Variants in FBN3 observed in about 807,000 individuals in gnomAD.
FBN3 encodes fibrillin 3.
Under a neutral mutation model 330.1 loss-of-function variants are expected in FBN3, and 234 were observed. The ratio of observed to expected loss-of-function variants is 0.71; its 90% CI spans 0.64 to 0.79. FBN3 has a LOEUF of 0.79. Ranked by LOEUF, FBN3 falls within the 30% of genes least tolerant of loss-of-function variation. The pLI, the probability that FBN3 is intolerant of heterozygous loss-of-function variation, is 0.00. For missense variants in FBN3, 3,606 were observed against 3,886.9 expected (o/e 0.93, Z 1.92); for synonymous variants, 1,458 against 1,517.3 (o/e 0.96, Z 0.91).
chr19:8,145,667 C>T (rs2083521321), intron 5 of FBN3, among the ~76,000 whole-genome samples, 176 bp downstream of exon 5: 2 of 118,784 alleles, frequency 1.7e-5, no homozygotes, highest in Admixed American at 1.0e-4. Context: ...AGTGACACAG[C>T]GAGACTCTGT....
intron 45 of FBN3, 73 bp from the exon 46 acceptor site, chr19:8,095,576 C>A: frequency 6.5e-7 from 1 of 1,536,080 alleles, no homozygotes; most frequent in East Asian, 2.3e-5. Flanking sequence ...GTACTTCTGT[C>A]CACAACTGAG....
In FBN3 at chr19:8,086,200, C is replaced by G. The variant is rs142911798; in HGVS notation, c.6880G>C (p.Asp2294His). 6.4e-7 allele frequency: 1 copy of G among 1,574,106 alleles called. No individual in the cohort carries two copies. The highest frequency in any genetic ancestry group is 1.1e-5 in the South Asian group (1 of 89,472). ...ACTGTGCGTGTCCAGCCACACTCAC[C>G]GTGGCACTCGGTAAGGGTGGGGCTG... ...QPSPTLTECH[D>H]IRQGPCFAEV... Residue 2294 changes from aspartate to histidine, a missense_variant and splice_region_variant, in exon 55 of 64, where the codon GAC (aspartate) becomes CAC (histidine). By Grantham distance (81) the Asp-to-His change is moderately conservative (BLOSUM62 -1). Transcript: ENST00000600128.
Position 8,111,217 on chromosome 19 carries a change from CGGTGGACCAGGACCCACACAG to C in FBN3, c.4085-55_4085-35del. 3 of 1,561,530 alleles carry C rather than the reference CGGTGGACCAGGACCCACACAG, an allele frequency of 1.9e-6. No individual in the cohort carries two copies. In the East Asian group the frequency reaches 6.7e-5, roughly 35 times the overall value. ...CCCCAAGATTCGGAGGGCTGGAGGC[CGGTGGACCAGGACCCACACAG>C]GGTGGGCAGGAGGCCCCAGTCACTG... is the stretch of plus-strand genomic sequence containing the variant. On this transcript the variant is annotated intron_variant, in intron 32 of 63. Transcript: ENST00000600128.
At chr19:8,130,595 A>AGGAAG (rs1568439844) in intron 16 of FBN3, among the ~76,000 whole-genome samples, 1 of 13,604 alleles carries the variant, frequency 7.4e-5, no homozygotes, top group African/African-American at 5.7e-4. Context: ...AAAGAAAGAA[A>AGGAAG]GAAAGAAAGA....
At position 8,109,107 on chromosome 19, in the gene FBN3, C is replaced by A; in HGVS notation, c.4618+120G>T. ...CCCAGGATGAGCCCCTCTCCTCCCC[C>A]AGTTCTTGGTTTTCCTGTCGCCTAA... On this transcript the variant is annotated intron_variant, in intron 36 of 63. Coordinates refer to ENST00000600128, the MANE Select transcript of FBN3 (RefSeq NM_032447.5). This position sits in a 1 kb window ranked among gnomAD's most constrained non-coding sequence, Gnocchi z 5.2. 1 of 898,306 alleles carries A rather than the reference C, an allele frequency of 1.1e-6. No individual in the cohort carries two copies. Among genetic ancestry groups the A allele is most frequent in the Non-Finnish European group, 1.7e-6 (1 of 596,844 alleles). The allele number at this position is 898,306 out of a possible 1,614,324, so 55.6% of individuals were successfully genotyped here.
chr19:8,080,850 G>A (rs1385221964), intron 59 of FBN3, among the ~76,000 whole-genome samples, 153 bp downstream of exon 59: 1 of 152,106 alleles, frequency 6.6e-6, no homozygotes, highest in African/African-American at 2.4e-5. Flanking sequence ...TTGAACTCCT[G>A]ACCTCAGATG....
intron 34 of FBN3, among the ~76,000 whole-genome samples, chr19:8,110,010 G>A (rs943661276): frequency 2.0e-5 from 3 of 152,132 alleles, no homozygotes; most frequent in Non-Finnish European, 4.4e-5. Context: ...TACCTGCCCT[G>A]GGTTCCATGC....
chr19:8,135,936 G>GGTACACCCCCCCCCCC, intron 13 of FBN3, 25 bp downstream of exon 13: 1 of 668,778 alleles, frequency 1.5e-6, no homozygotes, highest in South Asian at 1.6e-5. Context: ...GGAAGCCCCT[G>GGTACACCCCCCCCCCC]CCCACCCGCC....
chr19:8,126,945 A>T (rs79820986), intron 18 of FBN3, 113 bp from the exon 19 acceptor site: 21 of 1,206,532 alleles, frequency 1.7e-5, no homozygotes, highest in Non-Finnish European at 2.4e-5. Flanking sequence ...GTGCACCCAG[A>T]TGCACAAGCA....
At chr19:8,078,581 C>CT (rs34666054) in intron 59 of FBN3, among the ~76,000 whole-genome samples, 90,335 of 145,660 alleles carry the variant, frequency 0.62, 29,181 homozygotes, top group African/African-American at 0.84. Flanking sequence ...GAAAACCTTA[C>CT]TTTTTTTTTT....
At chr19:8,134,693 G>T (rs2083237186) in intron 13 of FBN3, among the ~76,000 whole-genome samples, 1 of 152,070 alleles carries the variant, frequency 6.6e-6, no homozygotes, top group Admixed American at 6.6e-5. Context: ...CAGCACTTTG[G>T]GAGGCCAAGG....
chr19:8,149,044 G>A lies in FBN3; in HGVS notation c.-18+405C>T, dbSNP rs1304391591. 6.6e-6 allele frequency among the ~76,000 whole-genome samples: 1 copy of A among 152,228 alleles called. No homozygotes were observed. The highest frequency in any genetic ancestry group is 6.5e-5 in the Admixed American group (1 of 15,294). Reference sequence around the variant, plus strand: ...AGCCACACCCTGGAGTTTGTGGAATGAATGAGCAGAGAAGGCGCGCCCGGC... The same window carrying A: ...AGCCACACCCTGGAGTTTGTGGAATAAATGAGCAGAGAAGGCGCGCCCGGC... On this transcript the variant is annotated intron_variant, in intron 1 of 63. Coordinates refer to ENST00000600128, the MANE Select transcript of FBN3 (RefSeq NM_032447.5). The surrounding 1 kb of genome is among the most constrained non-coding windows in gnomAD (Gnocchi z 5.5).
At position 8,133,075 on chromosome 19, in the gene FBN3, G is replaced by A. The variant is rs142646716; in HGVS notation, c.1623C>T (p.Cys541=). 300 of 1,583,300 alleles carry A rather than the reference G, an allele frequency of 1.9e-4. No homozygotes were observed. The African/African-American group carries it at 3.5e-3, about 18-fold the overall frequency. Residue 541 remains cysteine (C), a synonymous_variant, in exon 14 of 64, where the codon TGC becomes TGT. Coordinates refer to ENST00000600128, the MANE Select transcript of FBN3 (RefSeq NM_032447.5). ...DHNECATSTM[C]VNGVCLNEDG... is the part of the protein sequence containing the mutation. ...CCTCGTTGAGACACACGCCGTTGAC[G>A]CACATGGTGCTGGTGGCACACTCGT...
At chr19:8,100,820 G>A (rs775710132) in intron 41 of FBN3, 81 bp downstream of exon 41, 8 of 1,057,342 alleles carry the variant, frequency 7.6e-6, no homozygotes, top group Non-Finnish European at 1.0e-5. Context: ...AAGGAAAAGA[G>A]CTGTTGAGGA....
In FBN3 at chr19:8,118,956, C is replaced by T. The variant is rs773337022; in HGVS notation, c.3278G>A (p.Ser1093Asn). The T allele has an allele frequency of 1.9e-6, 3 of 1,613,234 alleles. No individual in the cohort carries two copies. Among genetic ancestry groups the T allele is most frequent in the Admixed American group, 1.7e-5 (1 of 60,020 alleles). ...RGGTCTNTDG[S>N]YKCQCPPGHE... ...CCCAGGGGGACACTGGCACTTGTAG[C>T]TCCCATCCGTGTTGGTGCAAGTGCC... The change falls in exon 26 of 64, where the codon AGC becomes AAC. Residue 1093 changes from serine (S) to asparagine (N), a missense_variant. Physicochemically the swap from Ser to Asn is conservative, Grantham distance 46 (BLOSUM62 1). Transcript: ENST00000600128.
In FBN3 at chr19:8,065,983, G is replaced by A. The variant is rs35794930; in HGVS notation, c.8366C>T (p.Pro2789Leu). The change falls in exon 64 of 64, where the codon CCA becomes CTA. Residue 2789 changes from proline (P) to leucine (L), a missense_variant. Transcript: ENST00000600128. ...GCCCCATGGCCCTGGCTGCCCCTCT[G>A]GCTGGACACCCCAGGGTCCTGCCAT... ...SHMAGPWGVQ[P>L]EGQPGPWGQA... 15 of 1,612,230 alleles carry A rather than the reference G, an allele frequency of 9.3e-6. No individual in the cohort carries two copies. The highest frequency in any genetic ancestry group is 1.2e-5 in the Non-Finnish European group (14 of 1,179,400).
chr19:8,118,832 GACATCC>G, intron 26 of FBN3, 59 bp downstream of exon 26: 1 of 1,561,576 alleles, frequency 6.4e-7, no homozygotes, highest in Non-Finnish European at 8.8e-7. Context: ...ACATTCACCA[GACATCC>G]ACTCACTTTC....
chr19:8,114,145 C>T (rs1247484917), intron 30 of FBN3, among the ~76,000 whole-genome samples: 1 of 152,046 alleles, frequency 6.6e-6, no homozygotes, highest in East Asian at 1.9e-4. Flanking sequence ...ACACTTTCTG[C>T]CTCTGAGCCC....
chr19:8,077,959 C>G (rs1023165658), intron 59 of FBN3, among the ~76,000 whole-genome samples: 3 of 124,282 alleles, frequency 2.4e-5, no homozygotes, highest in African/African-American at 1.1e-4. Context: ...CACCTGTAGT[C>G]CTAGCTACTT....
Sources: allele counts gnomAD v4.1 joint callset (sites outside exome capture counted in the v4.1 genomes callset), GRCh38; gene constraint gnomAD v4.1.1; non-coding constraint Gnocchi (gnomAD v3.1); transcripts MANE v1.5; gene names NCBI Gene and HGNC (gene_info 2026-07-23, HGNC 2026-07-21).